MAT2B: variants seen among roughly 807,000 people sequenced by gnomAD.
MAT2B encodes the protein methionine adenosyltransferase 2 non-catalytic beta subunit, also known as methionine adenosyltransferase 2 subunit beta.
In MAT2B, 16 loss-of-function variants were observed where a neutral mutation model predicts 36.1. The ratio of observed to expected loss-of-function variants is 0.44; its 90% CI spans 0.30 to 0.67. The LOEUF is 0.67. MAT2B is among the 30% of genes least tolerant of loss of function. The probability of loss-of-function intolerance (pLI) is 0.09; values close to 1 mark genes in which losing one functional copy is unlikely to be tolerated. For synonymous variants in MAT2B, 148 were observed against 136.9 expected (o/e 1.08, Z -0.57); for missense variants, 332 against 398.2 (o/e 0.83, Z 1.42).
In MAT2B at chr5:163,518,348, A is replaced by G. The variant is rs775538272; in HGVS notation, c.990A>G (p.Gln330=). The G allele has an allele frequency of 1.1e-5, 17 of 1,607,694 alleles. No homozygotes were observed. In the African/African-American group the frequency reaches 1.3e-4, roughly 13 times the overall value. The part of the protein sequence containing the change: ...WPFLIDKRWR[Q]TVFH The stretch of plus-strand genomic sequence containing the variant: ...TCCTCATTGACAAGAGATGGAGACA[A>G]ACGGTCTTTCATTAGTTTATTTGTG... The change falls in exon 7 of 7, where the codon CAA becomes CAG. Residue 330 remains glutamine (Q), a synonymous_variant. Transcript: ENST00000321757.
chr5:163,515,891 C>T (rs895310636), intron 4 of MAT2B, among the ~76,000 whole-genome samples: 4 of 149,072 alleles, frequency 2.7e-5, no homozygotes, highest in Non-Finnish European at 4.4e-5. Context: ...CCTCCCACCA[C>T]GAACGGCTAA....
Position 163,516,567 on chromosome 5 carries a change from CGAA to C in MAT2B, c.580_582del (p.Glu194del). The C allele has an allele frequency of 6.2e-7, 1 of 1,614,108 alleles. No homozygotes were observed. The highest frequency in any genetic ancestry group is 8.5e-7 in the Non-Finnish European group (1 of 1,180,014). On this transcript the variant is annotated inframe_deletion, in exon 5 of 7. Transcript: ENST00000321757. ...TTCTGTATGGGGAAGTTGAAAAGCTCGAAGAAAGTGCTGTGACTGTTATGTTTG... is the reference window on the plus strand; with the variant it reads ...TTCTGTATGGGGAAGTTGAAAAGCTCGAAAGTGCTGTGACTGTTATGTTTG...
At chr5:163,507,973 TC>T (rs1055667091) in intron 1 of MAT2B, among the ~76,000 whole-genome samples, 6 of 152,322 alleles carry the variant, frequency 3.9e-5, no homozygotes, top group African/African-American at 1.4e-4. Context: ...CTAAATGCCT[TC>T]CCCATTTACC....
In MAT2B at chr5:163,516,501, C is replaced by A; in HGVS notation, c.527-17C>A. 1 of 1,606,816 alleles carries A rather than the reference C, an allele frequency of 6.2e-7. No individual in the cohort carries two copies. Among genetic ancestry groups the A allele is most frequent in the African/African-American group, 1.3e-5 (1 of 74,780 alleles). ...GAATCAGTCAGCTTTAAATTATTTG[C>A]TTTTATTCTTCTCTAGGAGCTGCTG... On this transcript the variant is annotated splice_polypyrimidine_tract_variant and intron_variant, in intron 4 of 6. Transcript: ENST00000321757.
intron 2 of MAT2B, chr5:163,512,773 A>G (rs1760066585): frequency 2.3e-6 from 1 of 426,738 alleles, no homozygotes; most frequent in Non-Finnish European, 4.6e-6. Context: ...TCCGCCTCCC[A>G]GGGTTCAAGC....
Position 163,505,727 on chromosome 5 carries a change from C to G in MAT2B, c.41C>G (p.Pro14Arg). Residue 14 changes from proline to arginine, a missense_variant, in exon 1 of 7, where the codon CCC becomes CGC. Coordinates refer to ENST00000321757, the MANE Select transcript of MAT2B (RefSeq NM_013283.5). Reference sequence around the variant, plus strand: ...AAAGAGCTCTCTATACACTTTGTTCCCGGGAGCTGTCGGCTGGTGGAGGTG... The same window carrying G: ...AAAGAGCTCTCTATACACTTTGTTCGCGGGAGCTGTCGGCTGGTGGAGGTG... ...REKELSIHFV[P>R]GSCRLVEEEV... 7 of 1,283,824 alleles carry G rather than the reference C, an allele frequency of 5.5e-6. No individual in the cohort carries two copies. The highest frequency in any genetic ancestry group is 6.9e-6 in the Non-Finnish European group (7 of 1,007,704). 79.5% of individuals were successfully genotyped at this position (1,283,824 alleles called of 1,614,324 possible).
upstream of MAT2B, chr5:163,503,397 G>C: frequency 1.9e-6 from 3 of 1,613,980 alleles, no homozygotes; most frequent in Non-Finnish European, 2.5e-6. Flanking sequence ...CTGGAGTCAT[G>C]CCTGAAATGC....
chr5:163,512,431 G>C, intron 2 of MAT2B: 1 of 545,146 alleles, frequency 1.8e-6, no homozygotes, highest in Non-Finnish European at 3.3e-6. Flanking sequence ...TGTTTATAGA[G>C]TGCCTTCTAA....
At chr5:163,505,490 T>A, upstream of MAT2B, 1 of 1,231,344 alleles carries the variant, frequency 8.1e-7, no homozygotes, top group Non-Finnish European at 1.0e-6. Context: ...AGACCGCGCG[T>A]ACCCGCCCTC....
At chr5:163,505,467 G>A, upstream of MAT2B, 2 of 1,188,752 alleles carry the variant, frequency 1.7e-6, no homozygotes, top group Non-Finnish European at 1.1e-6. Flanking sequence ...GCATCGGCGC[G>A]TGGGCTGGGG....
intron 1 of MAT2B, among the ~76,000 whole-genome samples, chr5:163,508,829 T>C (rs1759990732): frequency 6.6e-6 from 1 of 152,146 alleles, no homozygotes; most frequent in South Asian, 2.1e-4. Flanking sequence ...GCTCAAGATT[T>C]TTATTAAGAG....
intron 1 of MAT2B, among the ~76,000 whole-genome samples, chr5:163,506,999 G>T (rs1317927363): frequency 6.6e-6 from 1 of 152,194 alleles, no homozygotes; most frequent in East Asian, 1.9e-4. Context: ...AATACTGTCT[G>T]TGGAGCACAG....
At chr5:163,503,313 C>A (rs1462767970), upstream of MAT2B, 2 of 1,332,908 alleles carry the variant, frequency 1.5e-6, no homozygotes, top group African/African-American at 2.9e-5. Context: ...TCTCTGCAGG[C>A]AGAAGCGAAC....
At chr5:163,508,219 A>C (rs116813886) in intron 1 of MAT2B, among the ~76,000 whole-genome samples, 1,550 of 152,256 alleles carry the variant, frequency 0.01, 31 homozygotes, top group African/African-American at 0.034. Context: ...TGGAAATAAT[A>C]TCTCTTCTAA....
rs1368791255 is a variant in MAT2B, at chr5:163,519,089, A to G, written c.*726A>G. On this transcript the variant is annotated 3_prime_UTR_variant, in exon 7 of 7. Transcript: ENST00000321757. Reference sequence around the variant, plus strand: ...CATATGTGTGGTTATACTCATAATAATGGGCCTTGTAAGTCTTTTCACCAT... The same window carrying G: ...CATATGTGTGGTTATACTCATAATAGTGGGCCTTGTAAGTCTTTTCACCAT... The G allele has an allele frequency of 6.6e-6, 1 of 152,254 alleles. No homozygotes were observed. The highest frequency in any genetic ancestry group is 1.5e-5 in the Non-Finnish European group (1 of 68,038). 9.4% of individuals were successfully genotyped at this position (152,254 alleles called of 1,614,324 possible).
chr5:163,505,618 T>A (rs1409227944), upstream of MAT2B: 1 of 1,249,688 alleles, frequency 8.0e-7, no homozygotes, highest in African/African-American at 1.6e-5. Flanking sequence ...GCGTCTGAGC[T>A]GAGGCCCGCG....
intron 1 of MAT2B, among the ~76,000 whole-genome samples, chr5:163,509,087 AAAG>A (rs1330083870): frequency 1.3e-5 from 2 of 152,178 alleles, no homozygotes; most frequent in Non-Finnish European, 2.9e-5. Flanking sequence ...CTCTTAATTA[AAAG>A]AAGATCATCT....
upstream of MAT2B, among the ~76,000 whole-genome samples, chr5:163,504,736 G>A (rs1328245825): frequency 6.6e-6 from 1 of 152,148 alleles, no homozygotes; most frequent in Non-Finnish European, 1.5e-5. Flanking sequence ...TAACTGGAAG[G>A]GAAATAAGTC....
In MAT2B at chr5:163,505,841, G is replaced by C. The variant is rs369444943; in HGVS notation, c.63+92G>C. 2.3e-3 allele frequency: 2,375 copies of C among 1,031,684 alleles called. 50 individuals carry two copies. In the African/African-American group the frequency reaches 0.034, roughly 15 times the overall value. 63.9% of individuals were successfully genotyped at this position (1,031,684 alleles called of 1,614,324 possible). On this transcript the variant is annotated intron_variant, in intron 1 of 6. Transcript: ENST00000321757. ...TCGGGCGGCTTTGCAGGCGTATTCC[G>C]CCCGGGTCAGAGCCTCCGGCCGGGA...
Sources: allele counts gnomAD v4.1 joint callset (sites outside exome capture counted in the v4.1 genomes callset), GRCh38; gene constraint gnomAD v4.1.1; transcripts MANE v1.5; gene names NCBI Gene and HGNC (gene_info 2026-07-23, HGNC 2026-07-21).